INSC: variants seen among roughly 807,000 people sequenced by gnomAD.
INSC encodes INSC spindle orientation adaptor protein.
INSC carries 67 observed loss-of-function variants against 58.6 expected under a neutral mutation model. The ratio of observed to expected loss-of-function variants is 1.14; its 90% CI spans 0.94 to 1.40. The LOEUF (loss-of-function observed/expected upper bound fraction) is 1.40, where lower values mean the gene tolerates loss of function less well. Ranked by LOEUF, INSC falls within the 40% of genes most tolerant of loss-of-function variation. The pLI is 0.00. For missense variants in INSC, 714 were observed against 692.0 expected (o/e 1.03, Z -0.36); for synonymous variants, 262 against 276.1 (o/e 0.95, Z 0.51).
the INSC span, among the ~76,000 whole-genome samples, chr11:15,254,729 G>A: frequency 2.0e-5 from 3 of 152,182 alleles, no homozygotes; most frequent in Non-Finnish European, 4.4e-5. Context: ...ATCTATTCAG[G>A]TTGCCTGGTC....
At chr11:15,166,352 A>G (rs1849196463) in intron 2 of INSC, among the ~76,000 whole-genome samples, 1 of 152,210 alleles carries the variant, frequency 6.6e-6, no homozygotes, top group African/African-American at 2.4e-5. Context: ...AATGCCTTGA[A>G]TGAGAAGTTT....
At position 15,214,686 on chromosome 11, in the gene INSC, T is replaced by C. The variant is rs1015467635; in HGVS notation, c.820-6791T>C. On this transcript the variant is annotated intron_variant, in intron 7 of 12. Transcript: ENST00000379556. ...TTGATTGTGTCCTCCAAGGTTCATA[T>C]GCTGGAAACATAATCCCCAGTGCAA... 3.9e-5 allele frequency among the ~76,000 whole-genome samples: 6 copies of C among 152,360 alleles called. No individual in the cohort carries two copies. The South Asian group carries it at 1.0e-3, about 26-fold the overall frequency.
intron 2 of INSC, among the ~76,000 whole-genome samples, chr11:15,172,185 T>C (rs1849423854): frequency 6.6e-6 from 1 of 152,204 alleles, no homozygotes; most frequent in Admixed American, 6.5e-5. Flanking sequence ...AGTGTGCAAG[T>C]GATTTGTTCA....
chr11:15,122,004 G>A (rs889530889), intron 1 of INSC, among the ~76,000 whole-genome samples: 9 of 152,158 alleles, frequency 5.9e-5, no homozygotes, highest in Non-Finnish European at 1.0e-4. Context: ...CCATTTGTCT[G>A]AAGAGCCCTG....
intron 1 of INSC, among the ~76,000 whole-genome samples, chr11:15,124,872 A>T (rs1847954297): frequency 6.6e-6 from 1 of 152,290 alleles, no homozygotes; most frequent in East Asian, 1.9e-4. Flanking sequence ...TCATTTGCTC[A>T]TTCCCTCCCT....
intron 5 of INSC, among the ~76,000 whole-genome samples, chr11:15,189,274 C>A (rs926221942): frequency 3.3e-5 from 5 of 152,192 alleles, no homozygotes; most frequent in African/African-American, 1.2e-4. Context: ...TTCCACCTGG[C>A]AGGTACCTTT....
At chr11:15,119,821 G>T (rs1393217096) in intron 1 of INSC, among the ~76,000 whole-genome samples, 1 of 152,272 alleles carries the variant, frequency 6.6e-6, no homozygotes, top group Non-Finnish European at 1.5e-5. Flanking sequence ...CAGCCAGACA[G>T]ATCTGACTTG....
intron 7 of INSC, among the ~76,000 whole-genome samples, chr11:15,217,973 C>T (rs774652660): frequency 1.7e-4 from 26 of 152,112 alleles, no homozygotes; most frequent in Admixed American, 2.6e-4. Context: ...AAACAATTGG[C>T]AATACCAATA....
intron 2 of INSC, among the ~76,000 whole-genome samples, chr11:15,158,345 C>T (rs1397957674): frequency 6.6e-6 from 1 of 151,382 alleles, no homozygotes; most frequent in Non-Finnish European, 1.5e-5. Context: ...TTCCTGGCCC[C>T]ACCCTCAGAG....
intron 6 of INSC, among the ~76,000 whole-genome samples, chr11:15,195,202 A>G (rs1311836615): frequency 6.6e-6 from 1 of 152,156 alleles, no homozygotes; most frequent in Non-Finnish European, 1.5e-5. Context: ...CTGTGGGGGA[A>G]CAGCCAACAG....
intron 1 of INSC, among the ~76,000 whole-genome samples, chr11:15,125,691 C>T (rs2133694559): frequency 6.6e-6 from 1 of 152,342 alleles, no homozygotes; most frequent in Non-Finnish European, 1.5e-5. Flanking sequence ...TAAGTCTTTA[C>T]CTGCTACTTG....
At chr11:15,221,755 T>C (rs1233622318) in intron 8 of INSC, 107 bp downstream of exon 8, 7 of 982,506 alleles carry the variant, frequency 7.1e-6, no homozygotes, top group Non-Finnish European at 9.0e-6. Flanking sequence ...GCACCCCAAA[T>C]ATCTCCTGCA....
chr11:15,127,861 G>A (rs1015030164), intron 1 of INSC, among the ~76,000 whole-genome samples: 4 of 152,172 alleles, frequency 2.6e-5, no homozygotes, highest in Admixed American at 6.5e-5. Flanking sequence ...TGGGCGTGGA[G>A]GTGTGCGCCT....
At chr11:15,224,715 C>T (rs1002503964) in intron 8 of INSC, among the ~76,000 whole-genome samples, 87 of 152,092 alleles carry the variant, frequency 5.7e-4, no homozygotes, top group Non-Finnish European at 9.6e-4. Context: ...CTGAGGTGGG[C>T]GTCCATTCCA....
At chr11:15,250,229 C>T (rs1451638992), downstream of INSC, among the ~76,000 whole-genome samples, 3 of 152,196 alleles carry the variant, frequency 2.0e-5, no homozygotes, top group Admixed American at 6.5e-5. Context: ...AAAATCCTAG[C>T]TTTACCACTT....
intron 7 of INSC, among the ~76,000 whole-genome samples, chr11:15,212,034 T>C (rs1851044299): frequency 6.6e-6 from 1 of 152,226 alleles, no homozygotes; most frequent in African/African-American, 2.4e-5. Flanking sequence ...TAGAATCAGC[T>C]TGTCAATGTC....
At chr11:15,262,097 CAG>C in the INSC span, among the ~76,000 whole-genome samples, 67 of 152,156 alleles carry the variant, frequency 4.4e-4, no homozygotes, top group South Asian at 1.5e-3. Context: ...AAAGGTATCC[CAG>C]AGAGAGTAAA....
At chr11:15,179,142 G>A (rs1254511133) in intron 5 of INSC, among the ~76,000 whole-genome samples, 1 of 152,150 alleles carries the variant, frequency 6.6e-6, no homozygotes, top group Non-Finnish European at 1.5e-5. Flanking sequence ...ACCTCTCTCA[G>A]CCTCGTTTTC....
chr11:15,257,848 T>C, the INSC span, among the ~76,000 whole-genome samples: 2,859 of 152,094 alleles, frequency 0.019, 88 homozygotes, highest in African/African-American at 0.064. Context: ...CCTTGATCTG[T>C]GACTTCCAGC....
Sources: allele counts gnomAD v4.1 joint callset (sites outside exome capture counted in the v4.1 genomes callset), GRCh38; gene constraint gnomAD v4.1.1; transcripts MANE v1.5; gene names NCBI Gene and HGNC (gene_info 2026-07-23, HGNC 2026-07-21).